The following CERKL variants were observed in gnomAD, a reference collection of about 807,000 sequenced individuals.
The protein encoded by CERKL is CERK like autophagy regulator.
Under a neutral mutation model 63.4 loss-of-function variants are expected in CERKL, and 61 were observed. The ratio of observed to expected loss-of-function variants is 0.96; its 90% CI spans 0.78 to 1.19. The LOEUF (loss-of-function observed/expected upper bound fraction) is 1.19. Among genes scored for constraint, CERKL ranks in the 50% most tolerant of loss-of-function variants. The pLI is 0.00. For missense variants in CERKL, 675 were observed against 655.5 expected (o/e 1.03, Z -0.33); for synonymous variants, 250 against 230.5 (o/e 1.08, Z -0.77).
intron 1 of CERKL, among the ~76,000 whole-genome samples, chr2:181,624,479 G>A (rs770250021): frequency 3.3e-5 from 5 of 152,092 alleles, no homozygotes; most frequent in Admixed American, 6.6e-5. Flanking sequence ...AGGCTACAGC[G>A]AGCTATGATC....
chr2:181,612,714 C>T (rs1408267379), intron 1 of CERKL, among the ~76,000 whole-genome samples: 2 of 152,138 alleles, frequency 1.3e-5, no homozygotes, highest in South Asian at 2.1e-4. Flanking sequence ...CAACCACTTG[C>T]TAATTTTTTC....
rs1224737148 is a variant in CERKL at position 181,595,245 on chromosome 2, A to AT, written c.481+8591dup. On this transcript the variant is annotated intron_variant, in intron 2 of 12. Coordinates refer to ENST00000410087, the MANE Select transcript of CERKL (RefSeq NM_201548.5). Reference sequence around the variant, plus strand: ...CCTTTAACAAAAAGAAATGTCTGCCATTTTTTTTTTCATAGTGCACACCCA... The same window carrying AT: ...CCTTTAACAAAAAGAAATGTCTGCCATTTTTTTTTTTCATAGTGCACACCCA... Among the ~76,000 whole-genome samples the AT allele has an allele frequency of 8.5e-3, 1,275 of 149,662 alleles. 14 individuals carry two copies. The highest frequency in any genetic ancestry group is 0.026 in the African/African-American group (1,056 of 40,896).
At chr2:181,587,060 A>C (rs1684798934) in intron 2 of CERKL, among the ~76,000 whole-genome samples, 1 of 152,180 alleles carries the variant, frequency 6.6e-6, no homozygotes, top group Admixed American at 6.6e-5. Context: ...AGTGATGGTA[A>C]AAGCCTTTCC....
intron 2 of CERKL, among the ~76,000 whole-genome samples, chr2:181,576,678 GC>G (rs1221463040): frequency 6.6e-6 from 1 of 152,224 alleles, no homozygotes; most frequent in African/African-American, 2.4e-5. Flanking sequence ...AGGGCCAAGG[GC>G]CACCAAACAA....
At chr2:181,571,598 G>A (rs540214064) in intron 3 of CERKL, among the ~76,000 whole-genome samples, 1 of 152,138 alleles carries the variant, frequency 6.6e-6, no homozygotes, top group Admixed American at 6.6e-5. Flanking sequence ...CACCAACTGT[G>A]GATCAATACA....
At chr2:181,602,279 C>T (rs923328362) in intron 2 of CERKL, among the ~76,000 whole-genome samples, 1 of 152,180 alleles carries the variant, frequency 6.6e-6, no homozygotes, top group African/African-American at 2.4e-5. Flanking sequence ...AGCTTTGACT[C>T]TCCTAATTAA....
chr2:181,626,450 C>T (rs1266823036), intron 1 of CERKL, among the ~76,000 whole-genome samples: 2 of 152,132 alleles, frequency 1.3e-5, no homozygotes, highest in Non-Finnish European at 2.9e-5. Flanking sequence ...CCACTGATGC[C>T]ACATGCCTAA....
rs149247496 is a variant in CERKL at position 181,582,621 on chromosome 2, C to T, written c.482-8737G>A. Among the ~76,000 whole-genome samples the T allele has an allele frequency of 8.2e-3, 1,234 of 151,334 alleles. 18 individuals are homozygous for T. Among genetic ancestry groups the T allele is most frequent in the African/African-American group, 0.028 (1,165 of 41,210 alleles). On this transcript the variant is annotated intron_variant, in intron 2 of 12. Transcript: ENST00000410087. ...CGGGATCTTGGCTCACTCCAACCTC[C>T]GCCCCCTGGGTTCAAGTGATTCTCC... is the stretch of plus-strand genomic sequence containing the variant.
rs1687187789 is a variant in CERKL, at chr2:181,537,343, C to T, written c.*841G>A. ...AGCAGAGTACTATGGTTGTCCAACACAGGCCTCTCAGATACAAGGGGAACA... is the reference window on the plus strand; with the variant it reads ...AGCAGAGTACTATGGTTGTCCAACATAGGCCTCTCAGATACAAGGGGAACA... On this transcript the variant is annotated 3_prime_UTR_variant, in exon 13 of 13. Coordinates refer to ENST00000410087, the MANE Select transcript of CERKL (RefSeq NM_201548.5). The T allele has an allele frequency of 4.4e-6, 2 of 453,784 alleles. No homozygotes were observed. Among genetic ancestry groups the T allele is most frequent in the Non-Finnish European group, 8.8e-6 (2 of 226,682 alleles). The allele number at this position is 453,784 out of a possible 1,614,324, so 28.1% of individuals were successfully genotyped here.
chr2:181,575,981 A>G (rs1305668667), intron 2 of CERKL, among the ~76,000 whole-genome samples: 2 of 152,108 alleles, frequency 1.3e-5, no homozygotes, highest in Admixed American at 1.3e-4. Flanking sequence ...ACTTTACTCT[A>G]TGTTCCTCTA....
intron 2 of CERKL, among the ~76,000 whole-genome samples, chr2:181,577,420 CATT>C (rs1684298942): frequency 6.6e-6 from 1 of 152,004 alleles, no homozygotes; most frequent in Admixed American, 6.6e-5. Flanking sequence ...GGAAGGAAGA[CATT>C]AAGATATTGA....
intron 1 of CERKL, among the ~76,000 whole-genome samples, chr2:181,640,622 A>C (rs1289965376): frequency 6.6e-6 from 1 of 152,172 alleles, no homozygotes; most frequent in African/African-American, 2.4e-5. Flanking sequence ...AGGACGGTCC[A>C]TTTTCTCAAA....
chr2:181,591,995 T>C (rs913925377), intron 2 of CERKL, among the ~76,000 whole-genome samples: 2 of 152,116 alleles, frequency 1.3e-5, no homozygotes, highest in African/African-American at 4.8e-5. Flanking sequence ...ATGTGCCAAA[T>C]TGATGGAAAC....
intron 4 of CERKL, among the ~76,000 whole-genome samples, chr2:181,559,746 T>C (rs935404265): frequency 1.3e-5 from 2 of 152,146 alleles, no homozygotes; most frequent in Admixed American, 1.3e-4. Context: ...TAGTTACTGG[T>C]TCTCTAAGTT....
intron 2 of CERKL, among the ~76,000 whole-genome samples, chr2:181,601,134 A>C (rs755461679): frequency 1.1e-4 from 16 of 151,800 alleles, no homozygotes; most frequent in Non-Finnish European, 1.9e-4. Context: ...AAATCAAAAA[A>C]ATTGAAACAT....
chr2:181,538,393 C>CTGAT (rs918052119), intron 12 of CERKL, 149 bp from the exon 13 acceptor site: 13 of 610,976 alleles, frequency 2.1e-5, no homozygotes, highest in African/African-American at 3.7e-5. Flanking sequence ...CTGAGAAGGT[C>CTGAT]TGATTGATAA....
intron 2 of CERKL, among the ~76,000 whole-genome samples, chr2:181,574,380 G>A (rs961351223): frequency 1.3e-5 from 2 of 152,198 alleles, no homozygotes; most frequent in Non-Finnish European, 2.9e-5. Context: ...AGGAAGCAGG[G>A]ATGGGTCAGT....
At chr2:181,587,927 TAA>T (rs1684833030) in intron 2 of CERKL, among the ~76,000 whole-genome samples, 1 of 152,284 alleles carries the variant, frequency 6.6e-6, no homozygotes. Flanking sequence ...TGTTCCATTA[TAA>T]AGAGTCGTGA....
chr2:181,546,060 A>G (rs921729384), intron 10 of CERKL, among the ~76,000 whole-genome samples: 2 of 152,180 alleles, frequency 1.3e-5, no homozygotes, highest in Non-Finnish European at 1.5e-5. Flanking sequence ...ATCAGAAGCT[A>G]CATCTCTGAA....
Sources: allele counts gnomAD v4.1 joint callset (sites outside exome capture counted in the v4.1 genomes callset), GRCh38; gene constraint gnomAD v4.1.1; transcripts MANE v1.5; gene names NCBI Gene and HGNC (gene_info 2026-07-23, HGNC 2026-07-21).